Variants in CTXN3 observed in about 807,000 individuals in gnomAD.
CTXN3 encodes cortexin 3, also known as cortexin-3.
CTXN3 carries 4 observed loss-of-function variants against 5.0 expected under a neutral mutation model. The ratio of observed to expected loss-of-function variants is 0.79; its 90% confidence interval spans 0.39 to 1.82. The LOEUF (loss-of-function observed/expected upper bound fraction) is 1.82, where lower values mean the gene tolerates loss of function less well. CTXN3 is among the 40% of genes most tolerant of loss of function. The pLI, the probability that CTXN3 is intolerant of heterozygous loss-of-function variation, is 0.04. For missense variants in CTXN3, 89 were observed against 99.7 expected (o/e 0.89, Z 0.46); for synonymous variants, 48 against 38.6 (o/e 1.24, Z -0.91).
chr5:127,649,459 A>T (rs1329142447), intron 1 of CTXN3, 71 bp downstream of exon 1: 1 of 152,240 alleles, frequency 6.6e-6, no homozygotes, highest in East Asian at 1.9e-4. Context: ...TTGATGCATG[A>T]GCAATCATCG....
At chr5:127,650,992 A>C (rs1427571318) in intron 1 of CTXN3, among the ~76,000 whole-genome samples, 1 of 152,200 alleles carries the variant, frequency 6.6e-6, no homozygotes, top group Non-Finnish European at 1.5e-5. Context: ...AGCCATGTTA[A>C]CATTTCCACA....
chr5:127,654,520 C>A (rs553367203), intron 2 of CTXN3, among the ~76,000 whole-genome samples: 1 of 152,294 alleles, frequency 6.6e-6, no homozygotes, highest in East Asian at 1.9e-4. Flanking sequence ...GCAGATATGG[C>A]AGATAATCTG....
At chr5:127,654,129 T>A (rs994187234) in intron 2 of CTXN3, among the ~76,000 whole-genome samples, 3 of 152,156 alleles carry the variant, frequency 2.0e-5, no homozygotes, top group Non-Finnish European at 4.4e-5. Context: ...CTAGGTAAAA[T>A]ATTGCAATTT....
chr5:127,651,432 C>T (rs1175606593), intron 1 of CTXN3, among the ~76,000 whole-genome samples: 3 of 152,094 alleles, frequency 2.0e-5, no homozygotes, highest in Admixed American at 1.3e-4. Flanking sequence ...TTCATTCCAA[C>T]GTGCCAGTGA....
chr5:127,651,510 T>C (rs1305004000), intron 1 of CTXN3, among the ~76,000 whole-genome samples: 1 of 152,144 alleles, frequency 6.6e-6, no homozygotes, highest in African/African-American at 2.4e-5. Context: ...TTGGTAACGA[T>C]TTTTATAATT....
At chr5:127,652,666 C>T (rs578168870) in intron 1 of CTXN3, among the ~76,000 whole-genome samples, 1 of 151,750 alleles carries the variant, frequency 6.6e-6, no homozygotes. Context: ...GTGCTTGCCT[C>T]CCCTCCTCTC....
intron 2 of CTXN3, among the ~76,000 whole-genome samples, chr5:127,656,121 C>T (rs552646288): frequency 3.6e-4 from 55 of 151,878 alleles, no homozygotes; most frequent in Admixed American, 8.5e-4. Flanking sequence ...ATTTTGTGTC[C>T]GTGTTAATTT....
chr5:127,657,576 G>T lies in CTXN3; in HGVS notation c.55G>T (p.Ala19Ser). The T allele has an allele frequency of 6.2e-7, 1 of 1,614,118 alleles. No individual in the cohort carries two copies. Among genetic ancestry groups the T allele is most frequent in the Non-Finnish European group, 8.5e-7 (1 of 1,179,974 alleles). The change falls in exon 3 of 3, where the codon GCA becomes TCA. Residue 19 changes from alanine (A) to serine (S), a missense_variant. Ala to Ser is a moderately conservative substitution (Grantham distance 99, BLOSUM62 1). Coordinates refer to ENST00000379445, the MANE Select transcript of CTXN3 (RefSeq NM_001048252.3). ...CCTAGTGCCCCTTGGGAACGAATCA[G>T]CAGATTCTAGCATGTCCCTGGAGCA... ...SSLVPLGNES[A>S]DSSMSLEQKM...
At chr5:127,649,725 C>A (rs1468725381) in intron 1 of CTXN3, among the ~76,000 whole-genome samples, 1 of 151,570 alleles carries the variant, frequency 6.6e-6, no homozygotes, top group Non-Finnish European at 1.5e-5. Context: ...TTTTCAGTCA[C>A]CTAAAACGTC....
chr5:127,651,053 C>T (rs1458945509), intron 1 of CTXN3, among the ~76,000 whole-genome samples: 1 of 152,140 alleles, frequency 6.6e-6, no homozygotes. Context: ...GTAAGTTTGT[C>T]TCTGTTGGTC....
chr5:127,649,777 A>G, intron 1 of CTXN3, among the ~76,000 whole-genome samples: 1 of 152,096 alleles, frequency 6.6e-6, no homozygotes, highest in African/African-American at 2.4e-5. Context: ...ATTTGTTTAC[A>G]AAGGATCACA....
At chr5:127,654,751 T>A (rs1749866998) in intron 2 of CTXN3, among the ~76,000 whole-genome samples, 1 of 151,754 alleles carries the variant, frequency 6.6e-6, no homozygotes. Flanking sequence ...CAAGTGGAGA[T>A]CCCCGGTGGG....
intron 2 of CTXN3, among the ~76,000 whole-genome samples, chr5:127,657,047 G>A (rs1164446070): frequency 6.6e-6 from 1 of 152,188 alleles, no homozygotes; most frequent in Non-Finnish European, 1.5e-5. Context: ...CCTCAATGGC[G>A]CTATCGTAAG....
Position 127,657,559 on chromosome 5 carries a change from C to T in CTXN3, c.38C>T (p.Pro13Leu), listed in dbSNP as rs1749939929. Reference sequence around the variant, plus strand: ...CAGCCCATCCCCTCATCCCTAGTGCCCCTTGGGAACGAATCAGCAGATTCT... The same window carrying T: ...CAGCCCATCCCCTCATCCCTAGTGCTCCTTGGGAACGAATCAGCAGATTCT... Reference protein sequence around the residue: ...GGQPIPSSLVPLGNESADSSM... With the variant: ...GGQPIPSSLVLLGNESADSSM... Residue 13 changes from proline to leucine, a missense_variant, in exon 3 of 3, where the codon CCC becomes CTC. Transcript: ENST00000379445. The T allele has an allele frequency of 1.2e-6, 2 of 1,613,886 alleles. No individual in the cohort carries two copies. Among genetic ancestry groups the T allele is most frequent in the Middle Eastern group, 1.6e-4 (1 of 6,084 alleles).
intron 1 of CTXN3, among the ~76,000 whole-genome samples, chr5:127,650,048 C>G (rs1749752004): frequency 6.6e-6 from 1 of 152,060 alleles, no homozygotes; most frequent in Non-Finnish European, 1.5e-5. Context: ...TAGCCTTGCC[C>G]TGCAGTCCCT....
intron 2 of CTXN3, among the ~76,000 whole-genome samples, chr5:127,656,210 G>A (rs554036010): frequency 9.2e-5 from 14 of 152,092 alleles, no homozygotes; most frequent in African/African-American, 2.4e-4. Flanking sequence ...CTATATAGTA[G>A]TAGTGTCTAA....
chr5:127,656,454 A>G (rs1295505575), intron 2 of CTXN3, among the ~76,000 whole-genome samples: 1 of 152,216 alleles, frequency 6.6e-6, no homozygotes, highest in Non-Finnish European at 1.5e-5. Flanking sequence ...CTTAAATGGT[A>G]GGAAGCCACT....
intron 2 of CTXN3, among the ~76,000 whole-genome samples, chr5:127,657,123 G>A (rs1749926976): frequency 6.6e-6 from 1 of 152,204 alleles, no homozygotes; most frequent in African/African-American, 2.4e-5. Context: ...GCTGGGTTCA[G>A]ATGTCAAGTT....
At chr5:127,650,415 C>T (rs1028580648) in intron 1 of CTXN3, among the ~76,000 whole-genome samples, 2 of 152,040 alleles carry the variant, frequency 1.3e-5, no homozygotes, top group African/African-American at 4.8e-5. Flanking sequence ...TACCCTTAGC[C>T]CCCCTTTGAA....
Sources: gnomAD v4.1 joint callset for allele counts (sites outside exome capture counted in the v4.1 genomes callset) on GRCh38, gnomAD v4.1.1 for gene constraint, MANE v1.5 for transcripts, NCBI Gene and HGNC (gene_info 2026-07-23, HGNC 2026-07-21) for gene names.